NTM: variants seen among roughly 807,000 people sequenced by gnomAD.
NTM encodes IgLON family member 2.
Under a neutral mutation model 42.1 loss-of-function variants are expected in NTM, and 13 were observed. That is an observed-to-expected ratio of 0.31 (90% CI 0.20 to 0.49). The LOEUF (loss-of-function observed/expected upper bound fraction) is 0.49, where lower values mean the gene tolerates loss of function less well. Ranked by LOEUF, NTM falls within the 20% of genes least tolerant of loss-of-function variation. NTM has a pLI of 0.99. For missense variants in NTM, 373 were observed against 452.8 expected, an observed-to-expected ratio of 0.82 and a Z score of 1.60; for synonymous variants, 187 against 179.2, an observed-to-expected ratio of 1.04 and a Z score of -0.35.
chr11:131,777,921 T>C (rs2087341683), intron 1 of NTM, among the ~76,000 whole-genome samples: 2 of 152,178 alleles, frequency 1.3e-5, no homozygotes, highest in African/African-American at 4.8e-5. Flanking sequence ...CCAATTATGC[T>C]TGCATGGTGA....
intron 2 of NTM, among the ~76,000 whole-genome samples, chr11:132,069,169 T>A (rs1226863429): frequency 3.3e-5 from 5 of 149,306 alleles, no homozygotes; most frequent in African/African-American, 1.2e-4. Context: ...ACAGGTTAGT[T>A]AACACGTCAC....
rs114524760 is a variant in NTM at position 131,619,660 on chromosome 11, G to A, written c.82+248772G>A. 4.3e-3 allele frequency among the ~76,000 whole-genome samples: 657 copies of A among 152,176 alleles called. 3 individuals are homozygous for A. Among genetic ancestry groups the A allele is most frequent in the Middle Eastern group, 0.014 (4 of 294 alleles). On this transcript the variant is annotated intron_variant, in intron 1 of 8. Transcript: ENST00000683400. ...GGCCACAAAGTGAAAGAGTCAAGAC[G>A]CAAATTTTTCATGAAAAGGAGAGAT...
At chr11:131,821,317 T>C (rs937980110) in intron 1 of NTM, among the ~76,000 whole-genome samples, 3 of 152,212 alleles carry the variant, frequency 2.0e-5, no homozygotes, top group African/African-American at 7.2e-5. Context: ...AGATCCTTAG[T>C]CATGACCTGC....
chr11:131,592,827 G>A (rs1391341757), intron 1 of NTM, among the ~76,000 whole-genome samples: 1 of 152,056 alleles, frequency 6.6e-6, no homozygotes, highest in Non-Finnish European at 1.5e-5. Flanking sequence ...CCTCTCCCTG[G>A]CCCCTGCCTC....
rs180864211 is a variant in NTM at position 131,442,615 on chromosome 11, C to A, written c.82+71727C>A. Among the ~76,000 whole-genome samples, 7 of 152,204 alleles carry A rather than the reference C, an allele frequency of 4.6e-5. No individual in the cohort carries two copies. In the East Asian group the frequency reaches 1.4e-3, roughly 29 times the overall value. On this transcript the variant is annotated intron_variant, in intron 1 of 8. Transcript: ENST00000683400. ...AGTCCCAAGTCTCTATTAGTTCTGT[C>A]TTTATGTCCATGTGTACCCATTGCT...
At position 131,558,718 on chromosome 11, in the gene NTM, G is replaced by T. The variant is rs142620940; in HGVS notation, c.82+187830G>T. Among the ~76,000 whole-genome samples, 8 of 152,248 alleles carry T rather than the reference G, an allele frequency of 5.3e-5. No homozygotes were observed. In the South Asian group the frequency reaches 1.7e-3, roughly 32 times the overall value. ...GCTGGAAAGTCAAACAAATGTTATC[G>T]GAATAGCTACACATAAGGTTCACGT... On this transcript the variant is annotated intron_variant, in intron 1 of 8. Transcript: ENST00000683400.
intron 1 of NTM, among the ~76,000 whole-genome samples, chr11:131,585,236 C>A (rs986478438): frequency 6.6e-6 from 1 of 152,272 alleles, no homozygotes; most frequent in Middle Eastern, 3.4e-3. Flanking sequence ...GTTTTTCCCC[C>A]CTTCCTTTCC....
intron 1 of NTM, among the ~76,000 whole-genome samples, chr11:131,849,315 TTGGCTCATGATTC>T (rs1281450484): frequency 6.6e-6 from 1 of 152,184 alleles, no homozygotes; most frequent in East Asian, 1.9e-4. Context: ...AGAGGTTTGA[TTGGCTCATGATTC>T]TGCAGGCTGT....
At chr11:131,866,036 C>A (rs2047154417) in intron 1 of NTM, among the ~76,000 whole-genome samples, 1 of 151,148 alleles carries the variant, frequency 6.6e-6, no homozygotes, top group African/African-American at 2.4e-5. Flanking sequence ...ATGCTACATA[C>A]ACACATGCTA....
At chr11:131,742,026 A>G (rs1172860171) in intron 1 of NTM, among the ~76,000 whole-genome samples, 1 of 151,624 alleles carries the variant, frequency 6.6e-6, no homozygotes, top group Non-Finnish European at 1.5e-5. Context: ...CTAAATGATG[A>G]GAACACAGAG....
Position 132,244,428 on chromosome 11 carries a change from C to T in NTM, c.526+32281C>T, listed in dbSNP as rs527785091. On this transcript the variant is annotated intron_variant, in intron 4 of 8. Coordinates refer to ENST00000683400, the MANE Select transcript of NTM (RefSeq NM_001352005.2). ...GCACTCCTCAAACTTAGTTTAATAA[C>T]GCAACAGACTGATTCATCAATTCTG... Among the ~76,000 whole-genome samples, 7 of 152,184 alleles carry T rather than the reference C, an allele frequency of 4.6e-5. No individual in the cohort carries two copies. In the South Asian group the frequency reaches 1.0e-3, roughly 23 times the overall value.
At chr11:132,188,927 C>A (rs140468408) in intron 3 of NTM, among the ~76,000 whole-genome samples, 1 of 152,100 alleles carries the variant, frequency 6.6e-6, no homozygotes, top group Admixed American at 6.6e-5. Flanking sequence ...TCTAGAAATG[C>A]GCACACATGA....
chr11:131,449,380 C>T (rs758948438), intron 1 of NTM, among the ~76,000 whole-genome samples: 1 of 152,116 alleles, frequency 6.6e-6, no homozygotes, highest in Non-Finnish European at 1.5e-5. Context: ...AGGAGGGGAC[C>T]CTGGAGATCA....
At chr11:131,560,006 C>T (rs1028413457) in intron 1 of NTM, among the ~76,000 whole-genome samples, 10 of 152,182 alleles carry the variant, frequency 6.6e-5, no homozygotes, top group Admixed American at 4.6e-4. Context: ...GACTCAAATT[C>T]GACTGTTTTG....
At chr11:131,579,821 A>G (rs1351243114) in intron 1 of NTM, among the ~76,000 whole-genome samples, 1 of 152,216 alleles carries the variant, frequency 6.6e-6, no homozygotes, top group Non-Finnish European at 1.5e-5. Flanking sequence ...AATGGGTTAG[A>G]TGGAAATGTT....
chr11:131,454,763 A>T (rs1950745337), intron 1 of NTM, among the ~76,000 whole-genome samples: 1 of 143,998 alleles, frequency 6.9e-6, no homozygotes, highest in Admixed American at 6.8e-5. Context: ...GCTGCATTAC[A>T]TCCTGATCTG....
intron 1 of NTM, among the ~76,000 whole-genome samples, chr11:131,585,804 T>A (rs1315474129): frequency 6.6e-6 from 1 of 152,210 alleles, no homozygotes; most frequent in African/African-American, 2.4e-5. Context: ...TCATTTTCTC[T>A]TTGTGTCCTT....
chr11:131,674,840 C>G (rs1266735926), intron 1 of NTM, among the ~76,000 whole-genome samples: 1 of 152,190 alleles, frequency 6.6e-6, no homozygotes, highest in Non-Finnish European at 1.5e-5. Context: ...CCAAGACATG[C>G]ATGGATTAGG....
intron 2 of NTM, among the ~76,000 whole-genome samples, chr11:132,026,500 T>C (rs1293429657): frequency 6.6e-6 from 1 of 152,208 alleles, no homozygotes; most frequent in Non-Finnish European, 1.5e-5. Flanking sequence ...ATCTGCTTTT[T>C]CTTGTATTTT....
Sources: allele counts gnomAD v4.1 joint callset (sites outside exome capture counted in the v4.1 genomes callset), GRCh38; gene constraint gnomAD v4.1.1; transcripts MANE v1.5; gene names NCBI Gene and HGNC (gene_info 2026-07-23, HGNC 2026-07-21).